The following IFNGR1 variants were observed in gnomAD, a reference collection of about 807,000 sequenced individuals.
IFNGR1 encodes the protein interferon gamma receptor 1.
A neutral mutation model predicts 35.4 loss-of-function variants in IFNGR1; 23 were observed. The observed-to-expected ratio is 0.65, with a 90% CI of 0.47 to 0.92. The LOEUF is 0.92. Among genes scored for constraint, IFNGR1 ranks in the 40% least tolerant of loss-of-function variants. The pLI, the probability that IFNGR1 is intolerant of heterozygous loss-of-function variation, is 0.00. For synonymous variants in IFNGR1, 199 were observed against 209.5 expected (o/e 0.95, Z 0.43); for missense variants, 533 against 583.4 (o/e 0.91, Z 0.89).
Position 137,198,522 on chromosome 6 carries a change from A to T in IFNGR1, c.979T>A (p.Ser327Thr), listed in dbSNP as rs755921189. The change falls in exon 7 of 7, where the codon TCT becomes ACT. Residue 327 changes from serine (S) to threonine (T), a missense_variant. Coordinates refer to ENST00000367739, the MANE Select transcript of IFNGR1 (RefSeq NM_000416.3). ...EKEVVCEEPL[S>T]PATVPGMHTE... is the part of the protein sequence containing the mutation. ...TGCATGCCTGGAACTGTTGCTGGAG[A>T]CAACGGCTCTTCACAGACCACCTCC... 1.2e-5 allele frequency: 20 copies of T among 1,613,998 alleles called. No individual in the cohort carries two copies. In the Admixed American group the frequency reaches 3.3e-4, roughly 27 times the overall value.
chr6:137,217,447 C>T (rs184917783), intron 1 of IFNGR1, among the ~76,000 whole-genome samples: 2 of 152,194 alleles, frequency 1.3e-5, no homozygotes, highest in Non-Finnish European at 2.9e-5. Context: ...CAACCCTCTA[C>T]GAGAATGTCC....
chr6:137,218,735 T>C (rs1779768093), intron 1 of IFNGR1: 2 of 349,724 alleles, frequency 5.7e-6, no homozygotes, highest in Non-Finnish European at 1.1e-5. Flanking sequence ...CCTTAGGCAA[T>C]TTCTTCGGGC....
intron 1 of IFNGR1, among the ~76,000 whole-genome samples, chr6:137,210,593 A>T (rs1779551398): frequency 1.3e-5 from 2 of 152,214 alleles, no homozygotes. Flanking sequence ...ATCCTCAAAA[A>T]TTGTGAGAGG....
chr6:137,211,688 T>C (rs1172208328), intron 1 of IFNGR1, among the ~76,000 whole-genome samples: 1 of 152,200 alleles, frequency 6.6e-6, no homozygotes, highest in East Asian at 1.9e-4. Context: ...TGGCCATTCA[T>C]AGCAGGGGAT....
At chr6:137,209,127 C>T (rs1779516225) in intron 1 of IFNGR1, among the ~76,000 whole-genome samples, 1 of 152,186 alleles carries the variant, frequency 6.6e-6, no homozygotes. Flanking sequence ...CCAATTTCTC[C>T]CATTTGGAAT....
At chr6:137,216,368 A>C (rs1042892743) in intron 1 of IFNGR1, among the ~76,000 whole-genome samples, 49 of 152,230 alleles carry the variant, frequency 3.2e-4, no homozygotes, top group African/African-American at 1.2e-3. Flanking sequence ...TCACTTAAAA[A>C]TATATACTAC....
chr6:137,209,538 C>A (rs1562288339), intron 1 of IFNGR1, among the ~76,000 whole-genome samples: 1 of 152,132 alleles, frequency 6.6e-6, no homozygotes, highest in African/African-American at 2.4e-5. Context: ...ATGGGTTTAT[C>A]AGGGGTTTCT....
intron 1 of IFNGR1, chr6:137,218,583 T>A: frequency 4.1e-6 from 4 of 970,928 alleles, no homozygotes; most frequent in South Asian, 1.4e-5. Context: ...CCCTAAGCAC[T>A]TTGAGTCCCC....
At chr6:137,202,812 CT>C (rs1344426747) in intron 5 of IFNGR1, among the ~76,000 whole-genome samples, 1 of 151,962 alleles carries the variant, frequency 6.6e-6, no homozygotes, top group African/African-American at 2.4e-5. Flanking sequence ...TTGTTTTCTT[CT>C]GGTTTTTCAT....
intron 4 of IFNGR1, 101 bp from the exon 5 acceptor site, chr6:137,203,786 A>G (rs1779356932): frequency 2.1e-6 from 2 of 955,174 alleles, no homozygotes; most frequent in African/African-American, 1.7e-5. Context: ...GAAGAAATAT[A>G]TATGATTGAC....
At chr6:137,216,121 T>C (rs1779691668) in intron 1 of IFNGR1, among the ~76,000 whole-genome samples, 1 of 152,232 alleles carries the variant, frequency 6.6e-6, no homozygotes, top group South Asian at 2.1e-4. Flanking sequence ...TTAAAAAGTA[T>C]TATCCTGTGT....
At chr6:137,209,375 T>C (rs1035511506) in intron 1 of IFNGR1, among the ~76,000 whole-genome samples, 7 of 152,034 alleles carry the variant, frequency 4.6e-5, no homozygotes, top group Non-Finnish European at 1.5e-5. Context: ...CATAATATGG[T>C]TTGGTTGTGT....
At chr6:137,202,408 A>G (rs547685874) in intron 5 of IFNGR1, among the ~76,000 whole-genome samples, 4 of 152,368 alleles carry the variant, frequency 2.6e-5, no homozygotes, top group East Asian at 3.8e-4. Flanking sequence ...AAATTAGCAT[A>G]AAATGCATTG....
At chr6:137,219,099 G>A in intron 1 of IFNGR1, 144 bp downstream of exon 1, 1 of 1,052,984 alleles carries the variant, frequency 9.5e-7, no homozygotes, top group Non-Finnish European at 1.4e-6. Context: ...CCCACCTCGC[G>A]TCCCCGTCGC....
intron 5 of IFNGR1, among the ~76,000 whole-genome samples, chr6:137,202,788 A>G (rs895453099): frequency 1.3e-5 from 2 of 152,160 alleles, no homozygotes; most frequent in African/African-American, 4.8e-5. Context: ...TGCATGGTAG[A>G]ACTACAGATT....
intron 1 of IFNGR1, among the ~76,000 whole-genome samples, chr6:137,213,792 T>C (rs1042693780): frequency 6.6e-6 from 1 of 152,252 alleles, no homozygotes; most frequent in Non-Finnish European, 1.5e-5. Context: ...TTCCTCTGCA[T>C]AGCTGGGTGA....
rs189986147 is a variant in IFNGR1 at position 137,208,709 on chromosome 6, A to G, written c.86-1632T>C. 1.8e-3 allele frequency among the ~76,000 whole-genome samples: 269 copies of G among 152,350 alleles called. 2 individuals are homozygous for G. Among genetic ancestry groups the G allele is most frequent in the East Asian group, 1.5e-3 (8 of 5,180 alleles). On this transcript the variant is annotated intron_variant, in intron 1 of 6. Transcript: ENST00000367739. ...GATGTATGGAAATGCCTGGATGCCC[A>G]GGCAAAAGTTTGCTGCAGGGGCAGG...
At chr6:137,210,691 A>G (rs1407331663) in intron 1 of IFNGR1, among the ~76,000 whole-genome samples, 1 of 152,168 alleles carries the variant, frequency 6.6e-6, no homozygotes, top group Non-Finnish European at 1.5e-5. Context: ...AATAAGAAAA[A>G]TACTCCCTAG....
intron 1 of IFNGR1, chr6:137,218,748 T>C (rs1779768397): frequency 1.1e-5 from 4 of 350,334 alleles, no homozygotes; most frequent in East Asian, 7.5e-5. Flanking sequence ...CTTCGGGCAG[T>C]AGAAACCCAG....
Sources: gnomAD v4.1 joint callset for allele counts (sites outside exome capture counted in the v4.1 genomes callset) on GRCh38, gnomAD v4.1.1 for gene constraint, MANE v1.5 for transcripts, NCBI Gene and HGNC (gene_info 2026-07-23, HGNC 2026-07-21) for gene names.